SOX10: variants seen among roughly 807,000 people sequenced by gnomAD.
The protein encoded by SOX10 is transcription factor SOX-10.
SOX10 carries 3 observed loss-of-function variants against 35.0 expected under a neutral mutation model. The ratio of observed to expected loss-of-function variants is 0.09; its 90% CI spans 0.04 to 0.22. SOX10 has a LOEUF of 0.22. SOX10 is among the 10% of genes least tolerant of loss of function. The pLI, the probability that SOX10 is intolerant of heterozygous loss-of-function variation, is 1.00. For missense variants in SOX10, 436 were observed against 655.1 expected (o/e 0.67, Z 3.65); for synonymous variants, 285 against 291.0 (o/e 0.98, Z 0.21).
Position 37,980,108 on chromosome 22 carries a change from G to C in SOX10, c.429-1973C>G, listed in dbSNP as rs1483405560. 6.6e-6 allele frequency among the ~76,000 whole-genome samples: 1 copy of C among 152,066 alleles called. No homozygotes were observed. Among genetic ancestry groups the C allele is most frequent in the Non-Finnish European group, 1.5e-5 (1 of 68,012 alleles). Reference sequence around the variant, plus strand: ...GCTTTCTCAGAGGGTCCCTCCAGCCGAGACTCTGTCAGAGTCAGTGTACAC... The same window carrying C: ...GCTTTCTCAGAGGGTCCCTCCAGCCCAGACTCTGTCAGAGTCAGTGTACAC... On this transcript the variant is annotated intron_variant, in intron 2 of 3. Transcript: ENST00000396884. The surrounding 1 kb of genome is among the most constrained non-coding windows in gnomAD (Gnocchi z 4.1).
At position 37,980,261 on chromosome 22, in the gene SOX10, AGAG is replaced by A. The variant is rs1302018081; in HGVS notation, c.429-2129_429-2127del. The stretch of plus-strand genomic sequence containing the variant: ...GAGGGTGTGACTGGGGAGAACCCAC[AGAG>A]GAGAGAGCTGCTCCGCCAGCAGTGG... On this transcript the variant is annotated intron_variant, in intron 2 of 3. Transcript: ENST00000396884. This position sits in a 1 kb window ranked among gnomAD's most constrained non-coding sequence, Gnocchi z 4.1. Among the ~76,000 whole-genome samples the A allele has an allele frequency of 6.6e-6, 1 of 152,070 alleles. No individual in the cohort carries two copies. The highest frequency in any genetic ancestry group is 1.5e-5 in the Non-Finnish European group (1 of 67,978).
chr22:37,974,320 G>T lies in SOX10; in HGVS notation c.698-122C>A. On this transcript the variant is annotated intron_variant, in intron 3 of 3. Transcript: ENST00000396884. This position sits in a 1 kb window ranked among gnomAD's most constrained non-coding sequence, Gnocchi z 5.4. ...GGGTGCCTCTGGGAAAACCTTGTAA[G>T]TTTCACATTTTGGCAGCATGAGTCG... 1 of 711,068 alleles carries T rather than the reference G, an allele frequency of 1.4e-6. No individual in the cohort carries two copies. The highest frequency in any genetic ancestry group is 2.3e-6 in the Non-Finnish European group (1 of 426,368). 44.0% of individuals were successfully genotyped at this position (711,068 alleles called of 1,614,324 possible).
chr22:37,973,184 G>C lies in SOX10; in HGVS notation c.*311C>G, dbSNP rs1932110114. Reference sequence around the variant, plus strand: ...TCCCCTCCCCGAGGAGGGTGAGCAGGCCCTTCTCAGGTCCTGGGATAGAGG... The same window carrying C: ...TCCCCTCCCCGAGGAGGGTGAGCAGCCCCTTCTCAGGTCCTGGGATAGAGG... On this transcript the variant is annotated 3_prime_UTR_variant, in exon 4 of 4. Coordinates refer to ENST00000396884, the MANE Select transcript of SOX10 (RefSeq NM_006941.4). 5.8e-6 allele frequency: 2 copies of C among 347,668 alleles called. No homozygotes were observed. The highest frequency in any genetic ancestry group is 8.6e-5 in the Admixed American group (2 of 23,162). 21.5% of individuals were successfully genotyped at this position (347,668 alleles called of 1,614,324 possible). A position where few individuals can be genotyped will look rare whatever the true frequency, so the allele number is the denominator to read the frequency against.
At chr22:37,981,970 C>T (rs1932411249) in intron 2 of SOX10, among the ~76,000 whole-genome samples, 1 of 152,196 alleles carries the variant, frequency 6.6e-6, no homozygotes, top group Admixed American at 6.5e-5. Flanking sequence ...CTTTTGGTCT[C>T]TTGGAGATCC....
intron 2 of SOX10, among the ~76,000 whole-genome samples, chr22:37,982,224 G>T (rs1357940085): frequency 1.3e-5 from 2 of 152,178 alleles, no homozygotes; most frequent in African/African-American, 4.8e-5. Context: ...AGAGAGTATG[G>T]GAGTCCTGGG....
rs766175657 is a variant in SOX10 at position 37,974,070 on chromosome 22, C to T, written c.826G>A (p.Val276Met). Residue 276 changes from valine (V) to methionine (M), a missense_variant, in exon 4 of 4, where the codon GTG becomes ATG. By Grantham distance (21) the Val-to-Met change is conservative. Around this residue, in one of 3 missense-constraint regions of SOX10, gnomAD observed 285 missense variants for 402.9 expected, o/e 0.71. Transcript: ENST00000396884. The surrounding 1 kb of genome is among the most constrained non-coding windows in gnomAD (Gnocchi z 5.4). ...GGKPHIDFGN[V>M]DIGEISHEVM... ...TCGTGGCTGATCTCACCAATGTCCA[C>T]GTTGCCGAAGTCGATGTGAGGCTTC... The T allele has an allele frequency of 2.1e-5, 34 of 1,614,008 alleles. No individual in the cohort carries two copies. The highest frequency in any genetic ancestry group is 1.2e-4 in the Admixed American group (7 of 60,022).
In SOX10 at chr22:37,977,979, G is replaced by T; in HGVS notation, c.585C>A (p.Ala195=). 1 of 1,611,926 alleles carries T rather than the reference G, an allele frequency of 6.2e-7. No homozygotes were observed. The highest frequency in any genetic ancestry group is 8.5e-7 in the Non-Finnish European group (1 of 1,179,884). ...QGEAECPGGE[A]EQGGTAAIQA... is the part of the protein sequence containing the mutation. Reference sequence around the variant, plus strand: ...GGATGGCGGCGGTCCCACCTTGCTCGGCCTCCCCACCGGGGCACTCCGCCT... The same window carrying T: ...GGATGGCGGCGGTCCCACCTTGCTCTGCCTCCCCACCGGGGCACTCCGCCT... The change falls in exon 3 of 4, where the codon GCC becomes GCA. Residue 195 remains alanine, a synonymous_variant. Coordinates refer to ENST00000396884, the MANE Select transcript of SOX10 (RefSeq NM_006941.4).
Position 37,980,339 on chromosome 22 carries a change from T to C in SOX10, c.429-2204A>G, listed in dbSNP as rs1441426248. On this transcript the variant is annotated intron_variant, in intron 2 of 3. Coordinates refer to ENST00000396884, the MANE Select transcript of SOX10 (RefSeq NM_006941.4). This position sits in a 1 kb window ranked among gnomAD's most constrained non-coding sequence, Gnocchi z 4.1. ...TGGCTGGGGACATGGGACACAGAGCTCACTCTTTCACCTATCCTTCCCTTG... is the reference window on the plus strand; with the variant it reads ...TGGCTGGGGACATGGGACACAGAGCCCACTCTTTCACCTATCCTTCCCTTG... 6.6e-6 allele frequency among the ~76,000 whole-genome samples: 1 copy of C among 151,964 alleles called. No homozygotes were observed. The highest frequency in any genetic ancestry group is 1.5e-5 in the Non-Finnish European group (1 of 67,970).
rs547035544 is a variant in SOX10 at position 37,975,721 on chromosome 22, A to G, written c.698-1523T>C. On this transcript the variant is annotated intron_variant, in intron 3 of 3. Coordinates refer to ENST00000396884, the MANE Select transcript of SOX10 (RefSeq NM_006941.4). The stretch of plus-strand genomic sequence containing the variant: ...TGAATCCTGGTTCTGTGTCTGGACA[A>G]ATCCCCAGTCTTCTCTTAACTAGTT... Among the ~76,000 whole-genome samples, 15 of 152,284 alleles carry G rather than the reference A, an allele frequency of 9.9e-5. No individual in the cohort carries two copies. The South Asian group carries it at 3.1e-3, about 32-fold the overall frequency.
chr22:37,973,806 G>T lies in SOX10; in HGVS notation c.1090C>A (p.Gln364Lys). The T allele has an allele frequency of 6.3e-7, 1 of 1,596,404 alleles. No individual in the cohort carries two copies. Among genetic ancestry groups the T allele is most frequent in the South Asian group, 1.1e-5 (1 of 90,126 alleles). The part of the protein sequence containing the change: ...AQVKTETAGP[Q>K]GPPHYTDQPS... Reference sequence around the variant, plus strand: ...TGGTCGGTGTAGTGTGGGGGCCCCTGGGGCCCCGCGGTCTCTGTCTTCACC... The same window carrying T: ...TGGTCGGTGTAGTGTGGGGGCCCCTTGGGCCCCGCGGTCTCTGTCTTCACC... The change falls in exon 4 of 4, where the codon CAG becomes AAG. Residue 364 changes from glutamine (Q) to lysine (K), a missense_variant. Coordinates refer to ENST00000396884, the MANE Select transcript of SOX10 (RefSeq NM_006941.4).
chr22:37,984,082 G>C lies in SOX10; in HGVS notation c.-84-214C>G. 4.1e-6 allele frequency: 1 copy of C among 246,882 alleles called. No homozygotes were observed. Among genetic ancestry groups the C allele is most frequent in the Middle Eastern group, 1.3e-3 (1 of 780 alleles). 15.3% of individuals were successfully genotyped at this position (246,882 alleles called of 1,614,324 possible). A position where few individuals can be genotyped will look rare whatever the true frequency, so the allele number is the denominator to read the frequency against. On this transcript the variant is annotated intron_variant, in intron 1 of 3. Transcript: ENST00000396884. The surrounding 1 kb of genome is among the most constrained non-coding windows in gnomAD (Gnocchi z 4.4). Reference sequence around the variant, plus strand: ...GTCCCAACCGTCTCTTGGTGTGGGTGGCTTTTTTTTTAGCCTCCTTTTTTG... The same window carrying C: ...GTCCCAACCGTCTCTTGGTGTGGGTCGCTTTTTTTTTAGCCTCCTTTTTTG...
rs73415876 is a variant in SOX10 at position 37,983,536 on chromosome 22, G to A, written c.249C>T (p.Tyr83=). ...REAVSQVLSG[Y]DWTLVPMPVR... ...CGGGCATGGGCACCAGCGTCCAGTC[G>A]TAGCCGCTGAGCACCTGGCTGACGG... Residue 83 remains tyrosine, a synonymous_variant, in exon 2 of 4, where the codon TAC becomes TAT. Transcript: ENST00000396884. The surrounding 1 kb of genome is among the most constrained non-coding windows in gnomAD (Gnocchi z 9.5). 10,611 of 1,610,100 alleles carry A rather than the reference G, an allele frequency of 6.6e-3. 570 individuals carry two copies. In the African/African-American group the frequency reaches 0.12, roughly 19 times the overall value.
At chr22:37,976,726 A>G (rs990897437) in intron 3 of SOX10, among the ~76,000 whole-genome samples, 20 of 152,194 alleles carry the variant, frequency 1.3e-4, no homozygotes, top group African/African-American at 4.3e-4. Context: ...ACCTCATCAC[A>G]TTGTTTGCAA....
intron 3 of SOX10, among the ~76,000 whole-genome samples, chr22:37,975,620 C>G (rs1485500282): frequency 6.6e-6 from 1 of 152,184 alleles, no homozygotes; most frequent in Non-Finnish European, 1.5e-5. Flanking sequence ...CCTGTGCCTC[C>G]TTCATCAGAC....
intron 3 of SOX10, among the ~76,000 whole-genome samples, chr22:37,976,186 G>A (rs1932214159): frequency 6.6e-6 from 1 of 152,194 alleles, no homozygotes; most frequent in African/African-American, 2.4e-5. Flanking sequence ...TGGCACCGCT[G>A]CACTGCAGCC....
intron 2 of SOX10, among the ~76,000 whole-genome samples, chr22:37,981,780 A>T (rs1208724013): frequency 6.6e-6 from 1 of 152,170 alleles, no homozygotes; most frequent in Non-Finnish European, 1.5e-5. Flanking sequence ...TGGAGGAGCT[A>T]GCTGTGACCT....
rs1281716591 is a variant in SOX10 at position 37,974,119 on chromosome 22, G to A, written c.777C>T (p.Asp259=). 8.1e-6 allele frequency: 13 copies of A among 1,613,010 alleles called. No individual in the cohort carries two copies. The East Asian group carries it at 1.1e-4, about 14-fold the overall frequency. ...TCCCGCCCTCCCCCATGGAGCGCCC[G>A]TCCCGCTTCGGGTCTGCCTTGCCCG... is the stretch of plus-strand genomic sequence containing the variant. The part of the protein sequence containing the change: ...LQSGKADPKR[D]GRSMGEGGKP... Residue 259 remains aspartate (D), a synonymous_variant, in exon 4 of 4, where the codon GAC becomes GAT. Transcript: ENST00000396884. The surrounding 1 kb of genome is among the most constrained non-coding windows in gnomAD (Gnocchi z 5.4).
chr22:37,977,370 G>A (rs1487358370), intron 3 of SOX10, among the ~76,000 whole-genome samples: 1 of 151,162 alleles, frequency 6.6e-6, no homozygotes, highest in Non-Finnish European at 1.5e-5. Context: ...GCCCAGGCTG[G>A]AGTGCAGTGG....
intron 2 of SOX10, among the ~76,000 whole-genome samples, chr22:37,981,311 C>G (rs1341883531): frequency 1.3e-5 from 2 of 152,224 alleles, no homozygotes; most frequent in Non-Finnish European, 2.9e-5. Context: ...CTCAGGACCC[C>G]CCTCCAGGGT....
Sources: gnomAD v4.1 joint callset for allele counts (sites outside exome capture counted in the v4.1 genomes callset) on GRCh38, gnomAD v4.1.1 for gene constraint, gnomAD v4.1.1 regional missense constraint, Gnocchi (gnomAD v3.1) non-coding constraint, MANE v1.5 for transcripts, NCBI Gene and HGNC (gene_info 2026-07-23, HGNC 2026-07-21) for gene names.